Variants in TCF7L2 observed in about 807,000 individuals in gnomAD.
TCF7L2 encodes the protein transcription factor 7 like 2, also known as transcription factor 7-like 2.
A neutral mutation model predicts 77.9 loss-of-function variants in TCF7L2; 23 were observed. The observed-to-expected ratio is 0.30, with a 90% CI of 0.21 to 0.42. The LOEUF is 0.42. Ranked by LOEUF, TCF7L2 falls within the 10% of genes least tolerant of loss-of-function variation. The pLI is 1.00. For synonymous variants in TCF7L2, 413 were observed against 340.2 expected (o/e 1.21, Z -2.36); for missense variants, 654 against 793.1 (o/e 0.82, Z 2.11).
chr10:113,018,406 C>CAAAGACTG (rs2047696171), intron 4 of TCF7L2, among the ~76,000 whole-genome samples: 2 of 146,500 alleles, frequency 1.4e-5, no homozygotes, highest in Admixed American at 6.8e-5. Flanking sequence ...CCCCTCTAGC[C>CAAAGACTG]AAAGACTGAG....
At chr10:113,028,202 C>A (rs1232434299) in intron 4 of TCF7L2, among the ~76,000 whole-genome samples, 1 of 152,108 alleles carries the variant, frequency 6.6e-6, no homozygotes, top group Non-Finnish European at 1.5e-5. Flanking sequence ...TATTTCCTTG[C>A]TCTCTAGGAG....
rs750227326 is a variant in TCF7L2, at chr10:112,964,739, A to ATGGTGGTGG, written c.450+127_450+135dup. 28 of 577,536 alleles carry ATGGTGGTGG rather than the reference A, an allele frequency of 4.8e-5. No homozygotes were observed. The Admixed American group carries it at 6.8e-4, about 14-fold the overall frequency. The allele number at this position is 577,536 out of a possible 1,614,324, so 35.8% of individuals were successfully genotyped here. ...AATGATGATGATGATGATGATGATGATGGTGGTGGTGGTGGTGGTGATGGT... is the reference window on the plus strand; with the variant it reads ...AATGATGATGATGATGATGATGATGATGGTGGTGGTGGTGGTGGTGGTGGTGGTGATGGT... On this transcript the variant is annotated intron_variant, in intron 4 of 13. Coordinates refer to ENST00000627217, the MANE Select transcript of TCF7L2 (RefSeq NM_001146274.2).
chr10:113,102,505 A>G (rs981089947), intron 5 of TCF7L2, among the ~76,000 whole-genome samples: 16 of 150,572 alleles, frequency 1.1e-4, no homozygotes, highest in African/African-American at 2.9e-4. Context: ...GCTCACTGCA[A>G]CCTCCACCTC....
chr10:113,010,675 T>C (rs1296252855), intron 4 of TCF7L2, among the ~76,000 whole-genome samples: 1 of 152,184 alleles, frequency 6.6e-6, no homozygotes. Context: ...GTAGGAGATA[T>C]TGTGGAGTAC....
intron 5 of TCF7L2, among the ~76,000 whole-genome samples, chr10:113,128,124 T>C (rs2065963007): frequency 6.6e-6 from 1 of 152,036 alleles, no homozygotes; most frequent in Admixed American, 6.5e-5. Flanking sequence ...GTTGGGGCTT[T>C]TTACTTGTCA....
Position 113,048,950 on chromosome 10 carries a change from T to C in TCF7L2, c.552+8824T>C, listed in dbSNP as rs150612803. Among the ~76,000 whole-genome samples the C allele has an allele frequency of 2.0e-3, 310 of 152,314 alleles. 1 individual carries two copies. The highest frequency in any genetic ancestry group is 6.3e-3 in the African/African-American group (263 of 41,560). The stretch of plus-strand genomic sequence containing the variant: ...ATGGCTTGCAGGTCAGATTTTCATC[T>C]TTTTAAATTAATTATCATAGAAGGA... On this transcript the variant is annotated intron_variant, in intron 5 of 13. Transcript: ENST00000627217.
At chr10:113,067,487 A>T (rs1460199719) in intron 5 of TCF7L2, among the ~76,000 whole-genome samples, 1 of 152,212 alleles carries the variant, frequency 6.6e-6, no homozygotes, top group Admixed American at 6.5e-5. Flanking sequence ...CCCACAAGAA[A>T]TATTCAGCCA....
At chr10:112,951,895 G>GC (rs1206720234) in intron 3 of TCF7L2, 4 of 128,398 alleles carry the variant, frequency 3.1e-5, no homozygotes, top group South Asian at 2.5e-4. Context: ...TGGTGGGGAG[G>GC]GGGGGGAATC....
At chr10:112,980,133 C>T (rs1000480452) in intron 4 of TCF7L2, among the ~76,000 whole-genome samples, 1 of 152,132 alleles carries the variant, frequency 6.6e-6, no homozygotes, top group Non-Finnish European at 1.5e-5. Context: ...GTTTATACTC[C>T]TGAGGGTGGG....
chr10:112,987,754 C>T (rs181345902), intron 4 of TCF7L2: 1 of 155,954 alleles, frequency 6.4e-6, no homozygotes, highest in Non-Finnish European at 1.4e-5. Context: ...GAATCATCTG[C>T]TCCTGTCCCA....
At chr10:113,016,516 AGT>A (rs1456831935) in intron 4 of TCF7L2, among the ~76,000 whole-genome samples, 1 of 152,008 alleles carries the variant, frequency 6.6e-6, no homozygotes, top group Non-Finnish European at 1.5e-5. Context: ...GTAGGTCTCA[AGT>A]GTGTGTAATA....
chr10:113,005,160 G>T (rs1361053934), intron 4 of TCF7L2, among the ~76,000 whole-genome samples: 2 of 152,210 alleles, frequency 1.3e-5, no homozygotes, highest in Non-Finnish European at 2.9e-5. Context: ...GCATGAATGA[G>T]GTTCTTAGCG....
intron 3 of TCF7L2, among the ~76,000 whole-genome samples, chr10:112,955,551 G>A (rs751558045): frequency 6.6e-5 from 10 of 152,316 alleles, no homozygotes; most frequent in South Asian, 6.2e-4. Flanking sequence ...TGGAAGACGT[G>A]TTTTTGGAAA....
chr10:113,090,499 C>CT (rs1439938497), intron 5 of TCF7L2, among the ~76,000 whole-genome samples: 3 of 152,180 alleles, frequency 2.0e-5, no homozygotes, highest in Non-Finnish European at 4.4e-5. Context: ...AATAAGTCAT[C>CT]TTTAAAAGTT....
intron 5 of TCF7L2, among the ~76,000 whole-genome samples, chr10:113,057,461 G>A (rs1262925484): frequency 2.0e-5 from 3 of 152,164 alleles, no homozygotes; most frequent in Non-Finnish European, 2.9e-5. Flanking sequence ...GTGAGTCACC[G>A]AGCCTGGCCC....
At chr10:113,119,098 A>AT in intron 5 of TCF7L2, among the ~76,000 whole-genome samples, 1 of 152,182 alleles carries the variant, frequency 6.6e-6, no homozygotes, top group East Asian at 1.9e-4. Context: ...AGTTAATAAG[A>AT]TTGACTTCGT....
chr10:113,144,498 A>C (rs1355437432), intron 7 of TCF7L2, among the ~76,000 whole-genome samples: 1 of 151,918 alleles, frequency 6.6e-6, no homozygotes, highest in Non-Finnish European at 1.5e-5. Flanking sequence ...CCTTGTTTTG[A>C]AATCCAGGGT....
intron 5 of TCF7L2, among the ~76,000 whole-genome samples, chr10:113,058,476 C>G (rs935644605): frequency 6.6e-6 from 1 of 152,008 alleles, no homozygotes; most frequent in African/African-American, 2.4e-5. Flanking sequence ...GGTTTTATAC[C>G]GGGTTTTGGT....
intron 4 of TCF7L2, among the ~76,000 whole-genome samples, chr10:112,978,076 C>G (rs1225702578): frequency 6.6e-6 from 1 of 152,016 alleles, no homozygotes; most frequent in Non-Finnish European, 1.5e-5. Context: ...TGCCAGAAAG[C>G]TTAATGATGA....
Sources: gnomAD v4.1 joint callset for allele counts (sites outside exome capture counted in the v4.1 genomes callset) on GRCh38, gnomAD v4.1.1 for gene constraint, MANE v1.5 for transcripts, NCBI Gene and HGNC (gene_info 2026-07-23, HGNC 2026-07-21) for gene names.